WWOX: variants seen among roughly 807,000 people sequenced by gnomAD.
WWOX encodes WW domain-containing oxidoreductase.
In WWOX, 69 loss-of-function variants were observed where a neutral mutation model predicts 46.2. That is an observed-to-expected ratio of 1.49 (90% CI 1.23 to 1.82). The LOEUF (loss-of-function observed/expected upper bound fraction) is 1.82, where lower values mean the gene tolerates loss of function less well. Among genes scored for constraint, WWOX ranks in the 40% most tolerant of loss-of-function variants. The probability of loss-of-function intolerance (pLI) is 0.00; values close to 1 mark genes in which losing one functional copy is unlikely to be tolerated. For synonymous variants in WWOX, 359 were observed against 202.6 expected (o/e 1.77, Z -6.56); for missense variants, 919 against 542.6 (o/e 1.69, Z -6.89).
intron 5 of WWOX, among the ~76,000 whole-genome samples, chr16:78,277,554 G>A (rs75900344): frequency 1.3e-5 from 2 of 152,088 alleles, no homozygotes; most frequent in African/African-American, 4.8e-5. Context: ...CAGGGGGTGG[G>A]GGAGGGCACA....
intron 8 of WWOX, among the ~76,000 whole-genome samples, chr16:78,947,052 A>G (rs1418960598): frequency 9.4e-6 from 1 of 106,946 alleles, no homozygotes; most frequent in African/African-American, 2.7e-5. Context: ...GTTAAAAAAG[A>G]AAGTTTCTTT....
chr16:79,055,715 T>C (rs533201162), intron 8 of WWOX, among the ~76,000 whole-genome samples: 3 of 152,204 alleles, frequency 2.0e-5, no homozygotes, highest in Admixed American at 6.5e-5. Context: ...AAATTATGAA[T>C]AGTGAATTTA....
intron 8 of WWOX, among the ~76,000 whole-genome samples, chr16:78,481,179 A>T (rs1408709794): frequency 6.6e-6 from 1 of 152,234 alleles, no homozygotes; most frequent in Non-Finnish European, 1.5e-5. Context: ...ATCCAAGTTT[A>T]TAATTTGTAA....
chr16:79,096,714 A>G (rs1469284451), intron 8 of WWOX, among the ~76,000 whole-genome samples: 3 of 152,188 alleles, frequency 2.0e-5, no homozygotes, highest in Non-Finnish European at 4.4e-5. Flanking sequence ...CTCTTTGAGA[A>G]TGCTGGCTCC....
At chr16:78,681,135 G>A (rs151261548) in intron 8 of WWOX, among the ~76,000 whole-genome samples, 3,998 of 152,282 alleles carry the variant, frequency 0.026, 71 homozygotes, top group South Asian at 0.04. Context: ...TGTAGTCCCA[G>A]CTACTTTGGA....
At chr16:78,813,350 G>A (rs2051244728) in intron 8 of WWOX, among the ~76,000 whole-genome samples, 1 of 151,698 alleles carries the variant, frequency 6.6e-6, no homozygotes, top group African/African-American at 2.4e-5. Context: ...TTAAGTCCAA[G>A]AAGCCTGCTT....
chr16:78,512,774 C>G (rs1356936681), intron 8 of WWOX, among the ~76,000 whole-genome samples: 2 of 152,174 alleles, frequency 1.3e-5, no homozygotes, highest in Non-Finnish European at 2.9e-5. Context: ...GCTTGTAAAT[C>G]AATGAAGGTT....
At chr16:78,315,413 C>T (rs1009656712) in intron 5 of WWOX, among the ~76,000 whole-genome samples, 3 of 152,118 alleles carry the variant, frequency 2.0e-5, no homozygotes, top group African/African-American at 4.8e-5. Flanking sequence ...CTTGGGGAGG[C>T]CAAGGCCGGC....
intron 8 of WWOX, among the ~76,000 whole-genome samples, chr16:78,916,731 C>G (rs765489281): frequency 3.3e-5 from 5 of 152,162 alleles, no homozygotes; most frequent in African/African-American, 1.2e-4. Context: ...AGGATAAACT[C>G]TAAACTAAGT....
rs1342891374 is a variant in WWOX at position 78,937,651 on chromosome 16, G to T, written c.1057-273957G>T. On this transcript the variant is annotated intron_variant, in intron 8 of 8. Coordinates refer to ENST00000566780, the MANE Select transcript of WWOX (RefSeq NM_016373.4). ...TTTATTTATTTATTTATGAGACAAG[G>T]TCTCACTCTGTCTCCCAGGCTGGAG... 3.3e-5 allele frequency among the ~76,000 whole-genome samples: 5 copies of T among 150,320 alleles called. No homozygotes were observed. The South Asian group carries it at 6.3e-4, about 19-fold the overall frequency.
At chr16:79,081,376 C>G (rs1051642362) in intron 8 of WWOX, among the ~76,000 whole-genome samples, 1 of 152,150 alleles carries the variant, frequency 6.6e-6, no homozygotes, top group Non-Finnish European at 1.5e-5. Flanking sequence ...GTTGGCCAGG[C>G]TGGTCTTGAA....
At chr16:79,006,621 A>G (rs1381622374) in intron 8 of WWOX, among the ~76,000 whole-genome samples, 1 of 151,946 alleles carries the variant, frequency 6.6e-6, no homozygotes, top group Non-Finnish European at 1.5e-5. Flanking sequence ...ACCTAAATGT[A>G]TTATCTGACA....
At chr16:78,295,234 G>T (rs1164322947) in intron 5 of WWOX, among the ~76,000 whole-genome samples, 1 of 152,172 alleles carries the variant, frequency 6.6e-6, no homozygotes, top group African/African-American at 2.4e-5. Context: ...AGAGAGTGGC[G>T]AGGATTAATC....
intron 8 of WWOX, among the ~76,000 whole-genome samples, chr16:78,758,809 A>T (rs573922763): frequency 6.6e-6 from 1 of 152,192 alleles, no homozygotes; most frequent in East Asian, 1.9e-4. Context: ...ATTTGCTATA[A>T]GGAGGATGTA....
intron 8 of WWOX, among the ~76,000 whole-genome samples, chr16:78,617,872 A>G (rs1307609565): frequency 6.6e-6 from 1 of 152,238 alleles, no homozygotes; most frequent in Non-Finnish European, 1.5e-5. Flanking sequence ...CTGTCAAAAT[A>G]TGAATCTATC....
At chr16:78,991,968 G>C (rs1049595611) in intron 8 of WWOX, among the ~76,000 whole-genome samples, 1 of 152,162 alleles carries the variant, frequency 6.6e-6, no homozygotes, top group Non-Finnish European at 1.5e-5. Flanking sequence ...AGTGGATGCA[G>C]GGGCGAAATG....
rs118158533 is a variant in WWOX, at chr16:78,686,494, G to C, written c.1056+253742G>C. ...CCACTGTACTCCAGCCTGGGGGACAGAGCGAGACTCCCTGTCAAAAAAAAA... is the reference window on the plus strand; with the variant it reads ...CCACTGTACTCCAGCCTGGGGGACACAGCGAGACTCCCTGTCAAAAAAAAA... On this transcript the variant is annotated intron_variant, in intron 8 of 8. Transcript: ENST00000566780. 8.0e-3 allele frequency among the ~76,000 whole-genome samples: 1,163 copies of C among 146,086 alleles called. 12 individuals carry two copies. Among genetic ancestry groups the C allele is most frequent in the Non-Finnish European group, 0.014 (910 of 66,464 alleles).
At chr16:78,615,377 A>G (rs2045998392) in intron 8 of WWOX, among the ~76,000 whole-genome samples, 2 of 152,156 alleles carry the variant, frequency 1.3e-5, no homozygotes, top group Admixed American at 1.3e-4. Context: ...GGCTGGGTGC[A>G]GCACCTCACA....
intron 8 of WWOX, among the ~76,000 whole-genome samples, chr16:79,099,086 G>T (rs752445652): frequency 1.3e-5 from 2 of 152,148 alleles, no homozygotes; most frequent in Non-Finnish European, 2.9e-5. Context: ...CAGAGAGGAA[G>T]CAAGAGAGAA....
Sources: gnomAD v4.1 joint callset for allele counts (sites outside exome capture counted in the v4.1 genomes callset) on GRCh38, gnomAD v4.1.1 for gene constraint, MANE v1.5 for transcripts, NCBI Gene and HGNC (gene_info 2026-07-23, HGNC 2026-07-21) for gene names.